The following PRKAG2 variants were observed in gnomAD, a reference collection of about 807,000 sequenced individuals.
PRKAG2 encodes protein kinase AMP-activated non-catalytic subunit gamma 2, also known as 5'-AMP-activated protein kinase subunit gamma-2.
Under a neutral mutation model 69.6 loss-of-function variants are expected in PRKAG2, and 26 were observed. The ratio of observed to expected loss-of-function variants is 0.37; its 90% CI spans 0.27 to 0.52. PRKAG2 has a LOEUF of 0.52. Ranked by LOEUF, PRKAG2 falls within the 20% of genes least tolerant of loss-of-function variation. PRKAG2 has a pLI of 0.90. For missense variants in PRKAG2, 557 were observed against 740.0 expected (o/e 0.75, Z 2.87); for synonymous variants, 293 against 285.0 (o/e 1.03, Z -0.28).
At chr7:151,604,476 A>C (rs773749431) in intron 5 of PRKAG2, among the ~76,000 whole-genome samples, 3 of 150,912 alleles carry the variant, frequency 2.0e-5, no homozygotes, top group Middle Eastern at 6.8e-3. Flanking sequence ...GTTTCTACAA[A>C]ACATAAAAAA....
rs145257988 is a variant in PRKAG2 at position 151,749,261 on chromosome 7, T to C, written c.466+31891A>G. On this transcript the variant is annotated intron_variant, in intron 3 of 15. Transcript: ENST00000287878. ...TTAGACCCTGAGTCAGCCTTTCACA[T>C]TGTAGCAAGCAGACACCTGGAGGGG... is the stretch of plus-strand genomic sequence containing the variant. 2.4e-3 allele frequency among the ~76,000 whole-genome samples: 366 copies of C among 152,322 alleles called. 2 individuals carry two copies. The highest frequency in any genetic ancestry group is 0.011 in the South Asian group (52 of 4,828).
At chr7:151,740,856 C>A (rs965605695) in intron 3 of PRKAG2, among the ~76,000 whole-genome samples, 1 of 152,146 alleles carries the variant, frequency 6.6e-6, no homozygotes, top group African/African-American at 2.4e-5. Context: ...GGGACCCCAG[C>A]CTTCCCAAAC....
chr7:151,663,763 C>T (rs780407604), intron 4 of PRKAG2, among the ~76,000 whole-genome samples: 7 of 152,190 alleles, frequency 4.6e-5, no homozygotes, highest in Non-Finnish European at 8.8e-5. Flanking sequence ...TTTAGTGAGG[C>T]AAAGCACTAC....
intron 1 of PRKAG2, 22 bp downstream of exon 1, chr7:151,876,485 G>C (rs760752515): frequency 1.3e-6 from 2 of 1,595,176 alleles, no homozygotes; most frequent in Non-Finnish European, 1.7e-6. Flanking sequence ...TGGGGAGCAG[G>C]GGACCGAGTG....
intron 3 of PRKAG2, among the ~76,000 whole-genome samples, chr7:151,767,461 T>C (rs889387040): frequency 1.3e-5 from 2 of 152,188 alleles, no homozygotes; most frequent in Admixed American, 6.5e-5. Flanking sequence ...CGGCTAGTTT[T>C]TGTATTTTTA....
rs1327398880 is a variant in PRKAG2, at chr7:151,719,422, C to A, written c.467-43785G>T. Among the ~76,000 whole-genome samples the A allele has an allele frequency of 6.6e-6, 1 of 152,120 alleles. No individual in the cohort carries two copies. The highest frequency in any genetic ancestry group is 1.9e-4 in the East Asian group (1 of 5,180). Reference sequence around the variant, plus strand: ...CACAGAGACCATGCTCCCAACCCACCCCAAACCCGCCAGCACCCTCAGCCC... The same window carrying A: ...CACAGAGACCATGCTCCCAACCCACACCAAACCCGCCAGCACCCTCAGCCC... On this transcript the variant is annotated intron_variant, in intron 3 of 15. Coordinates refer to ENST00000287878, the MANE Select transcript of PRKAG2 (RefSeq NM_016203.4). The surrounding 1 kb of genome is among the most constrained non-coding windows in gnomAD (Gnocchi z 5.2).
chr7:151,826,222 C>G (rs750716791), intron 1 of PRKAG2, among the ~76,000 whole-genome samples: 3 of 151,930 alleles, frequency 2.0e-5, no homozygotes, highest in Non-Finnish European at 4.4e-5. Flanking sequence ...GCTCTGTCGC[C>G]TAGGCTGGAG....
intron 5 of PRKAG2, among the ~76,000 whole-genome samples, chr7:151,602,189 G>C (rs912499077): frequency 5.3e-5 from 8 of 152,208 alleles, no homozygotes; most frequent in African/African-American, 1.9e-4. Context: ...CAAAGATCAG[G>C]GCAGTCAAGC....
chr7:151,796,105 A>T (rs1257187701), intron 1 of PRKAG2, among the ~76,000 whole-genome samples: 1 of 151,964 alleles, frequency 6.6e-6, no homozygotes, highest in Non-Finnish European at 1.5e-5. Context: ...CCTTCTCTGC[A>T]GACCCCTCCT....
intron 10 of PRKAG2, 49 bp from the exon 11 acceptor site, chr7:151,568,891 G>T (rs755629208): frequency 1.2e-6 from 2 of 1,607,354 alleles, no homozygotes; most frequent in Non-Finnish European, 1.7e-6. Context: ...AGAAAAATCA[G>T]AACACTTTGG....
chr7:151,771,214 G>A lies in PRKAG2; in HGVS notation c.466+9938C>T, dbSNP rs1027530404. ...TCATTCCAGCTATGTTATTCTTTAT[G>A]CTTTTCCCTTAGCTAAAATTTCGAT... is the stretch of plus-strand genomic sequence containing the variant. On this transcript the variant is annotated intron_variant, in intron 3 of 15. Coordinates refer to ENST00000287878, the MANE Select transcript of PRKAG2 (RefSeq NM_016203.4). The surrounding 1 kb of genome is among the most constrained non-coding windows in gnomAD (Gnocchi z 4.0). 3.9e-5 allele frequency among the ~76,000 whole-genome samples: 6 copies of A among 152,132 alleles called. No individual in the cohort carries two copies. Among genetic ancestry groups the A allele is most frequent in the Non-Finnish European group, 1.5e-5 (1 of 68,026 alleles).
chr7:151,802,502 G>C (rs1341700647), intron 1 of PRKAG2, among the ~76,000 whole-genome samples: 2 of 152,232 alleles, frequency 1.3e-5, no homozygotes, highest in East Asian at 3.9e-4. Flanking sequence ...AGGTGGAGGG[G>C]AAACCGAAGC....
chr7:151,571,491 G>A (rs535551123), intron 9 of PRKAG2, among the ~76,000 whole-genome samples: 3 of 152,312 alleles, frequency 2.0e-5, no homozygotes, highest in Non-Finnish European at 4.4e-5. Flanking sequence ...TTACAGGTGT[G>A]AGCCACCGCA....
intron 3 of PRKAG2, among the ~76,000 whole-genome samples, chr7:151,701,528 G>A (rs1585883577): frequency 6.6e-6 from 1 of 152,172 alleles, no homozygotes; most frequent in South Asian, 2.1e-4. Context: ...GATTGGAGCG[G>A]TGCATCTTTT....
chr7:151,589,404 C>A lies in PRKAG2; in HGVS notation c.864+5941G>T, dbSNP rs112186009. On this transcript the variant is annotated intron_variant, in intron 6 of 15. Transcript: ENST00000287878. Reference sequence around the variant, plus strand: ...TGAAACATGGGTCACTGAGCCTCATCCCCCCGTTTTGGATTCGGGTCTCAG... The same window carrying A: ...TGAAACATGGGTCACTGAGCCTCATACCCCCGTTTTGGATTCGGGTCTCAG... 8.8e-3 allele frequency among the ~76,000 whole-genome samples: 1,335 copies of A among 152,136 alleles called. 30 individuals carry two copies. Among genetic ancestry groups the A allele is most frequent in the African/African-American group, 0.031 (1,279 of 41,536 alleles).
At chr7:151,736,239 A>C (rs2151699008) in intron 3 of PRKAG2, 5 of 1,357,948 alleles carry the variant, frequency 3.7e-6, no homozygotes, top group Non-Finnish European at 4.7e-6. Flanking sequence ...AGCCGTCCTG[A>C]CGGGGCTGCA....
chr7:151,562,938 G>C (rs11982907), intron 14 of PRKAG2, among the ~76,000 whole-genome samples: 52,402 of 143,812 alleles, frequency 0.36, 10,469 homozygotes, highest in African/African-American at 0.54. Context: ...CTCGGCGACA[G>C]AGCAAGACTC....
chr7:151,762,689 G>A (rs931266591), intron 3 of PRKAG2, among the ~76,000 whole-genome samples: 11 of 152,216 alleles, frequency 7.2e-5, no homozygotes, highest in Admixed American at 1.3e-4. Context: ...TTGCCAGGAT[G>A]AGCAGCTGCC....
intron 1 of PRKAG2, among the ~76,000 whole-genome samples, chr7:151,826,176 T>C (rs1429359324): frequency 6.7e-6 from 1 of 149,782 alleles, no homozygotes; most frequent in Admixed American, 6.6e-5. Flanking sequence ...CAGTTCCACT[T>C]TTTTTTTTGT....
Sources: gnomAD v4.1 joint callset for allele counts (sites outside exome capture counted in the v4.1 genomes callset) on GRCh38, gnomAD v4.1.1 for gene constraint, Gnocchi (gnomAD v3.1) non-coding constraint, MANE v1.5 for transcripts, NCBI Gene and HGNC (gene_info 2026-07-23, HGNC 2026-07-21) for gene names.